The following UNC13B variants were observed in gnomAD, a reference collection of about 807,000 sequenced individuals.
UNC13B encodes protein unc-13 homolog B.
UNC13B carries 144 observed loss-of-function variants against 211.0 expected under a neutral mutation model. The observed-to-expected ratio is 0.68, with a 90% CI of 0.60 to 0.78. The LOEUF is 0.78. UNC13B is among the 30% of genes least tolerant of loss of function. The pLI is 0.00. For synonymous variants in UNC13B, 709 were observed against 725.8 expected (o/e 0.98, Z 0.37); for missense variants, 1,777 against 2,002.0 (o/e 0.89, Z 2.14).
chr9:35,202,737 A>G (rs1427306771), intron 1 of UNC13B, among the ~76,000 whole-genome samples: 4 of 148,662 alleles, frequency 2.7e-5, no homozygotes, highest in Non-Finnish European at 5.9e-5. Context: ...TTGAGCCTAT[A>G]TGTGTCTCTG....
At chr9:35,224,162 A>G (rs1169959471) in intron 1 of UNC13B, among the ~76,000 whole-genome samples, 1 of 151,922 alleles carries the variant, frequency 6.6e-6, no homozygotes, top group African/African-American at 2.4e-5. Context: ...GAATTTTAGG[A>G]TTGTTGTTTC....
chr9:35,216,481 T>G (rs1378523954), intron 1 of UNC13B, among the ~76,000 whole-genome samples: 1 of 152,148 alleles, frequency 6.6e-6, no homozygotes, highest in Non-Finnish European at 1.5e-5. Context: ...GGCAACTTAG[T>G]CAGAAATGGC....
At chr9:35,169,452 T>C (rs1564040759) in intron 1 of UNC13B, among the ~76,000 whole-genome samples, 1 of 152,218 alleles carries the variant, frequency 6.6e-6, no homozygotes, top group East Asian at 1.9e-4. Context: ...TTTACAGCCA[T>C]TGTGGAAAGT....
Position 35,300,219 on chromosome 9 carries a change from A to G in UNC13B, c.815A>G (p.Tyr272Cys). ...AGAAGAAGAAAAAAGAAATCCTTAT[A>G]CAATCATTTTGAAGACAGTGAAAGA... ...LDRRRKKKSL[Y>C]NHFEDSERRQ... Residue 272 changes from tyrosine to cysteine, a missense_variant, in exon 9 of 40, where the codon TAC (tyrosine) becomes TGC (cysteine). Coordinates refer to ENST00000635942, the MANE Select transcript of UNC13B (RefSeq NM_001371189.2). 2.5e-6 allele frequency: 1 copy of G among 398,942 alleles called. No individual in the cohort carries two copies. The allele number at this position is 398,942 out of a possible 1,614,324, so 24.7% of individuals were successfully genotyped here.
At chr9:35,325,167 G>A (rs1420355566) in intron 11 of UNC13B, among the ~76,000 whole-genome samples, 1 of 152,182 alleles carries the variant, frequency 6.6e-6, no homozygotes. Flanking sequence ...CACATAAAAA[G>A]TACTCCATAA....
At chr9:35,245,091 A>G (rs1826012384) in intron 6 of UNC13B, among the ~76,000 whole-genome samples, 1 of 152,106 alleles carries the variant, frequency 6.6e-6, no homozygotes, top group Non-Finnish European at 1.5e-5. Flanking sequence ...CGTTCTTCCC[A>G]AGCCTGGCTG....
chr9:35,213,189 C>T (rs956421343), intron 1 of UNC13B, among the ~76,000 whole-genome samples: 8 of 152,182 alleles, frequency 5.3e-5, no homozygotes, highest in Admixed American at 2.6e-4. Context: ...ACCCCAGCTC[C>T]CAATGTGATG....
At chr9:35,353,345 T>A in intron 11 of UNC13B, 1 of 1,232,148 alleles carries the variant, frequency 8.1e-7, no homozygotes, top group Non-Finnish European at 1.0e-6. Flanking sequence ...GAACAGTGGG[T>A]CCATCAGTCC....
Position 35,376,821 on chromosome 9 carries a change from G to A in UNC13B, c.9835+574G>A, listed in dbSNP as rs538449410. On this transcript the variant is annotated intron_variant, in intron 15 of 39. Coordinates refer to ENST00000635942, the MANE Select transcript of UNC13B (RefSeq NM_001371189.2). ...GACTTGTCCTGCCATGATGGAGTGG[G>A]GACAATAGGAGCAGGAAAAGCAACA... is the stretch of plus-strand genomic sequence containing the variant. Among the ~76,000 whole-genome samples, 4 of 152,178 alleles carry A rather than the reference G, an allele frequency of 2.6e-5. No individual in the cohort carries two copies. The South Asian group carries it at 6.2e-4, about 24-fold the overall frequency.
intron 24 of UNC13B, among the ~76,000 whole-genome samples, chr9:35,387,253 G>C (rs574776002): frequency 2.2e-4 from 34 of 152,282 alleles, no homozygotes; most frequent in African/African-American, 7.9e-4. Flanking sequence ...ACCTTAAAAG[G>C]CAGTGGGATT....
intron 1 of UNC13B, among the ~76,000 whole-genome samples, chr9:35,219,569 A>T (rs530621790): frequency 6.7e-6 from 1 of 149,640 alleles, no homozygotes; most frequent in South Asian, 2.1e-4. Context: ...GTGAGCCATG[A>T]TTATACCACT....
chr9:35,234,382 C>T (rs976615177), intron 3 of UNC13B, among the ~76,000 whole-genome samples: 2 of 152,168 alleles, frequency 1.3e-5, no homozygotes, highest in Non-Finnish European at 2.9e-5. Flanking sequence ...AGCCTCCCAA[C>T]ATACTGAGAT....
chr9:35,266,143 G>C (rs1440790034), intron 7 of UNC13B, among the ~76,000 whole-genome samples: 1 of 152,140 alleles, frequency 6.6e-6, no homozygotes, highest in Admixed American at 6.6e-5. Context: ...CTCTCTCTCT[G>C]TGACTTTGGA....
chr9:35,367,748 C>T lies in UNC13B; in HGVS notation c.9461+755C>T, dbSNP rs573189496. ...CTTTCTGAGCTCTGTATGTTCTGTC[C>T]GTGCTTCTTGTTTGGGAGTTTCAGA... is the stretch of plus-strand genomic sequence containing the variant. On this transcript the variant is annotated intron_variant, in intron 12 of 39. Coordinates refer to ENST00000635942, the MANE Select transcript of UNC13B (RefSeq NM_001371189.2). Among the ~76,000 whole-genome samples, 7 of 152,188 alleles carry T rather than the reference C, an allele frequency of 4.6e-5. No individual in the cohort carries two copies. In the East Asian group the frequency reaches 9.7e-4, roughly 21 times the overall value.
At chr9:35,227,102 G>A (rs944242010) in intron 1 of UNC13B, among the ~76,000 whole-genome samples, 1 of 152,184 alleles carries the variant, frequency 6.6e-6, no homozygotes, top group African/African-American at 2.4e-5. Context: ...GAACTGAAAT[G>A]GGACTACAAA....
rs1564191857 is a variant in UNC13B at position 35,390,711 on chromosome 9, G to C, written c.11305G>C (p.Glu3769Gln). 9 of 1,613,966 alleles carry C rather than the reference G, an allele frequency of 5.6e-6. No individual in the cohort carries two copies. The highest frequency in any genetic ancestry group is 7.6e-6 in the Non-Finnish European group (9 of 1,179,966). The change falls in exon 26 of 40, where the codon GAG becomes CAG. Residue 3769 changes from glutamate to glutamine, a missense_variant. Physicochemically the swap from Glu to Gln is conservative, Grantham distance 29. Coordinates refer to ENST00000635942, the MANE Select transcript of UNC13B (RefSeq NM_001371189.2). ...LFAQDMKYALEEHEKDHLCKS... is the reference protein window; with the variant it reads ...LFAQDMKYALQEHEKDHLCKS... ...TGCCCAAGACATGAAATATGCATTG[G>C]AGGGTAAGGATCTGTTCAAATCAGT...
At chr9:35,360,570 T>G (rs528696925) in intron 11 of UNC13B, 13 of 152,366 alleles carry the variant, frequency 8.5e-5, no homozygotes, top group African/African-American at 3.1e-4. Flanking sequence ...ATCAGGGAGT[T>G]TGTGTCATTC....
chr9:35,273,344 C>A (rs1188390567), intron 7 of UNC13B, among the ~76,000 whole-genome samples: 1 of 152,192 alleles, frequency 6.6e-6, no homozygotes, highest in Middle Eastern at 3.2e-3. Context: ...TACCTTTCCT[C>A]ATTTTCAACT....
intron 24 of UNC13B, among the ~76,000 whole-genome samples, chr9:35,389,202 T>C (rs1220533726): frequency 6.6e-6 from 1 of 152,152 alleles, no homozygotes; most frequent in Non-Finnish European, 1.5e-5. Context: ...GTGATTTCTC[T>C]TTACCTGAAA....
Sources: allele counts gnomAD v4.1 joint callset (sites outside exome capture counted in the v4.1 genomes callset), GRCh38; gene constraint gnomAD v4.1.1; transcripts MANE v1.5; gene names NCBI Gene and HGNC (gene_info 2026-07-23, HGNC 2026-07-21).